Variants in PTPRD observed in about 807,000 individuals in gnomAD.
The protein encoded by PTPRD is protein tyrosine phosphatase receptor type D.
A neutral mutation model predicts 214.5 loss-of-function variants in PTPRD; 34 were observed. The observed-to-expected ratio is 0.16, with a 90% CI of 0.12 to 0.21. PTPRD has a LOEUF of 0.21. Among genes scored for constraint, PTPRD ranks in the 10% least tolerant of loss-of-function variants. The pLI, the probability that PTPRD is intolerant of heterozygous loss-of-function variation, is 1.00. For synonymous variants in PTPRD, 1,128 were observed against 845.7 expected, an observed-to-expected ratio of 1.33 and a Z score of -5.79; for missense variants, 2,545 against 2,398.7, an observed-to-expected ratio of 1.06 and a Z score of -1.27.
intron 12 of PTPRD, among the ~76,000 whole-genome samples, chr9:8,667,973 T>G (rs998902831): frequency 6.6e-6 from 1 of 151,994 alleles, no homozygotes; most frequent in Non-Finnish European, 1.5e-5. Context: ...AAATAAAAAC[T>G]AAGAAGAAAT....
intron 9 of PTPRD, among the ~76,000 whole-genome samples, chr9:9,229,947 C>T (rs1208141063): frequency 6.6e-6 from 1 of 151,884 alleles, no homozygotes; most frequent in South Asian, 2.1e-4. Context: ...ATACTAGATT[C>T]ATTGTTGAGA....
chr9:9,931,109 A>T (rs2086334236), intron 5 of PTPRD, among the ~76,000 whole-genome samples: 1 of 152,198 alleles, frequency 6.6e-6, no homozygotes, highest in South Asian at 2.1e-4. Flanking sequence ...ATTTTTATGA[A>T]ACAATTTAAT....
intron 11 of PTPRD, among the ~76,000 whole-genome samples, chr9:8,846,140 G>C (rs1051477897): frequency 1.1e-4 from 17 of 152,060 alleles, no homozygotes; most frequent in Non-Finnish European, 2.4e-4. Flanking sequence ...GTCCTGGTTT[G>C]GTAAGGAACT....
rs1252236887 is a variant in PTPRD, at chr9:8,484,249, G to A, written c.3283C>T (p.Leu1095=). ...LTNRGNSAGG[L]QHRVTAKTAP... is the part of the protein sequence containing the mutation. ...GTCTTTGCCGTGACCCTGTGCTGCA[G>A]CCCACCAGCACTGTTTCCACGATTT... Residue 1095 remains leucine (L), a synonymous_variant, in exon 30 of 46, where the codon CTG becomes TTG. Coordinates refer to ENST00000381196, the MANE Select transcript of PTPRD (RefSeq NM_002839.4). 1 of 1,614,092 alleles carries A rather than the reference G, an allele frequency of 6.2e-7. No individual in the cohort carries two copies. The highest frequency in any genetic ancestry group is 1.6e-4 in the Middle Eastern group (1 of 6,062).
At chr9:9,557,993 T>C (rs971455071) in intron 8 of PTPRD, among the ~76,000 whole-genome samples, 2 of 152,234 alleles carry the variant, frequency 1.3e-5, no homozygotes, top group Non-Finnish European at 2.9e-5. Context: ...GCAGCCTGCA[T>C]GCACAGCACA....
At chr9:8,647,168 G>T (rs1157566439) in intron 12 of PTPRD, among the ~76,000 whole-genome samples, 1 of 152,178 alleles carries the variant, frequency 6.6e-6, no homozygotes, top group Non-Finnish European at 1.5e-5. Context: ...ATAACGTGAT[G>T]AGTCTTTTCT....
intron 5 of PTPRD, among the ~76,000 whole-genome samples, chr9:9,833,560 C>G (rs138742872): frequency 1.3e-5 from 2 of 149,690 alleles, no homozygotes; most frequent in Admixed American, 6.7e-5. Flanking sequence ...TGAGATCAAC[C>G]GGTCTGACCA....
chr9:9,933,108 A>G (rs1189874776), intron 5 of PTPRD, among the ~76,000 whole-genome samples: 1 of 152,174 alleles, frequency 6.6e-6, no homozygotes, highest in Admixed American at 6.5e-5. Context: ...AACTGGTACC[A>G]GCCGCTGCAA....
At chr9:10,481,740 T>A (rs1314930177) in intron 2 of PTPRD, among the ~76,000 whole-genome samples, 1 of 152,142 alleles carries the variant, frequency 6.6e-6, no homozygotes, top group Non-Finnish European at 1.5e-5. Context: ...TTAATTATAT[T>A]AAAATTGGCT....
At position 10,051,599 on chromosome 9, in the gene PTPRD, A is replaced by C. The variant is rs200917535; in HGVS notation, c.-544-17809T>G. ...ATATCTCCTAATGCTATCCCTCCCC[A>C]CTCCCCCCACCCCACAACAGTCCCC... is the stretch of plus-strand genomic sequence containing the variant. On this transcript the variant is annotated intron_variant, in intron 3 of 45. Coordinates refer to ENST00000381196, the MANE Select transcript of PTPRD (RefSeq NM_002839.4). Among the ~76,000 whole-genome samples the C allele has an allele frequency of 1.4e-3, 193 of 137,524 alleles. 1 individual carries two copies. In the East Asian group the frequency reaches 0.026, roughly 19 times the overall value. 90.2% of individuals were successfully genotyped at this position (137,524 alleles called of 152,430 possible). A position where few individuals can be genotyped will look rare whatever the true frequency, so the allele number is the denominator to read the frequency against.
At chr9:9,064,168 T>C (rs1225849344) in intron 10 of PTPRD, among the ~76,000 whole-genome samples, 1 of 152,132 alleles carries the variant, frequency 6.6e-6, no homozygotes, top group Admixed American at 6.6e-5. Flanking sequence ...GCATAAGAAA[T>C]GTATTTTACA....
intron 43 of PTPRD, among the ~76,000 whole-genome samples, chr9:8,337,428 C>T (rs182751153): frequency 6.6e-6 from 1 of 151,472 alleles, no homozygotes; most frequent in Non-Finnish European, 1.5e-5. Flanking sequence ...CGGAGGGGAA[C>T]ATCACACACT....
rs550325236 is a variant in PTPRD at position 9,784,956 on chromosome 9, T to G, written c.-367-18105A>C. Among the ~76,000 whole-genome samples the G allele has an allele frequency of 5.3e-5, 8 of 151,576 alleles. No individual in the cohort carries two copies. In the East Asian group the frequency reaches 1.2e-3, roughly 22 times the overall value. On this transcript the variant is annotated intron_variant, in intron 5 of 45. Coordinates refer to ENST00000381196, the MANE Select transcript of PTPRD (RefSeq NM_002839.4). ...TATATGGTTTGAGCAGGGTTTGCTA[T>G]GTACAGGGTTTGGGTGAATATAACT... is the stretch of plus-strand genomic sequence containing the variant.
intron 12 of PTPRD, among the ~76,000 whole-genome samples, chr9:8,654,350 G>T (rs1376167964): frequency 6.6e-6 from 1 of 152,034 alleles, no homozygotes; most frequent in African/African-American, 2.4e-5. Flanking sequence ...GCTAGACTGT[G>T]AGCCAACAAA....
At position 9,045,094 on chromosome 9, in the gene PTPRD, C is replaced by A. The variant is rs576492030; in HGVS notation, c.-142-26359G>T. Among the ~76,000 whole-genome samples the A allele has an allele frequency of 4.6e-5, 7 of 152,276 alleles. No individual in the cohort carries two copies. In the South Asian group the frequency reaches 8.3e-4, roughly 18 times the overall value. On this transcript the variant is annotated intron_variant, in intron 10 of 45. Coordinates refer to ENST00000381196, the MANE Select transcript of PTPRD (RefSeq NM_002839.4). ...ATGATTGTCATTTCCAACCAACTAA[C>A]TAGACGTGTTCTGTTATGGTTCAAA...
At chr9:8,776,153 T>A (rs142811809) in intron 11 of PTPRD, among the ~76,000 whole-genome samples, 1 of 152,224 alleles carries the variant, frequency 6.6e-6, no homozygotes, top group East Asian at 1.9e-4. Flanking sequence ...GGTCCCAGGA[T>A]GGAAGAGTAG....
chr9:10,426,961 C>T (rs1256941950), intron 2 of PTPRD, among the ~76,000 whole-genome samples: 3 of 151,888 alleles, frequency 2.0e-5, no homozygotes, highest in Non-Finnish European at 2.9e-5. Context: ...GACAAAGAGG[C>T]CCAATGTATC....
At position 8,583,158 on chromosome 9, in the gene PTPRD, T is replaced by C. The variant is rs1689274176; in HGVS notation, c.352+50159A>G. ...GATCCCTCACATACACAGTTTACGA[T>C]AGGTTTTGCACTCCTATGAGAATCT... On this transcript the variant is annotated intron_variant, in intron 14 of 45. Transcript: ENST00000381196. 2.0e-5 allele frequency among the ~76,000 whole-genome samples: 3 copies of C among 152,156 alleles called. No homozygotes were observed. The South Asian group carries it at 6.2e-4, about 32-fold the overall frequency.
chr9:9,378,361 C>T (rs2061351067), intron 9 of PTPRD, among the ~76,000 whole-genome samples: 1 of 152,060 alleles, frequency 6.6e-6, no homozygotes, highest in Non-Finnish European at 1.5e-5. Flanking sequence ...CTTGACAGAT[C>T]ATTTCTTTTT....
Sources: gnomAD v4.1 joint callset for allele counts (sites outside exome capture counted in the v4.1 genomes callset) on GRCh38, gnomAD v4.1.1 for gene constraint, MANE v1.5 for transcripts, NCBI Gene and HGNC (gene_info 2026-07-23, HGNC 2026-07-21) for gene names.